Variants in WDR44 observed in about 807,000 individuals in gnomAD.
WDR44 encodes WD repeat domain 44, also known as WD repeat-containing protein 44.
A neutral mutation model predicts 65.7 loss-of-function variants in WDR44; 9 were observed. The observed-to-expected ratio is 0.14, with a 90% CI of 0.08 to 0.24. WDR44 has a LOEUF of 0.24. WDR44 is among the 10% of genes least tolerant of loss of function. The pLI is 1.00. For synonymous variants in WDR44, 220 were observed against 235.2 expected (o/e 0.94, Z 0.59); for missense variants, 425 against 670.9 (o/e 0.63, Z 4.05).
Position 118,391,032 on chromosome X carries a change from AAATGAGAATGTGTATACTAGGTCT to A in WDR44, c.187-1596_187-1573del, listed in dbSNP as rs776774383. 2.0e-3 allele frequency among the ~76,000 whole-genome samples: 223 copies of A among 112,235 alleles called. 1 individual carries two copies. Among genetic ancestry groups the A allele is most frequent in the African/African-American group, 6.9e-3 (213 of 30,959 alleles). ...TAACCCAAAGGCCTGTATGACAATT[AAATGAGAATGTGTATACTAGGTCT>A]AATACACAGTAGGCCTTCTTTCCTT... On this transcript the variant is annotated intron_variant, in intron 3 of 19. Transcript: ENST00000254029.
intron 13 of WDR44, 54 bp from the exon 14 acceptor site, chrX:118,436,648 A>G: frequency 8.6e-7 from 1 of 1,159,005 alleles, no homozygotes; most frequent in South Asian, 2.0e-5. Context: ...TTATTGTATA[A>G]ATAGGGTTCT....
chrX:118,402,458 A>AAAAAAG (rs547508565), intron 8 of WDR44, among the ~76,000 whole-genome samples: 3 of 85,369 alleles, frequency 3.5e-5, no homozygotes, highest in African/African-American at 1.1e-4. Flanking sequence ...AAAAAAAAAA[A>AAAAAAG]ACATTCAGGA....
At chrX:118,409,701 TC>T (rs1420715285) in intron 11 of WDR44, 74 bp downstream of exon 11, 48 of 1,017,015 alleles carry the variant, frequency 4.7e-5, no homozygotes, top group Non-Finnish European at 6.3e-5. Flanking sequence ...GCCCTACTTT[TC>T]TGGCAGTCAT....
At chrX:118,369,623 C>T (rs1202260426) in intron 1 of WDR44, among the ~76,000 whole-genome samples, 5 of 106,917 alleles carry the variant, frequency 4.7e-5, no homozygotes, top group Non-Finnish European at 9.6e-5. Context: ...CGCCCACCAC[C>T]ACGCCTGACT....
intron 1 of WDR44, among the ~76,000 whole-genome samples, chrX:118,355,357 A>G (rs2056450043): frequency 8.9e-6 from 1 of 111,928 alleles, no homozygotes; most frequent in Non-Finnish European, 1.9e-5. Flanking sequence ...AGTAAGGGAA[A>G]AATTGGTTGC....
chrX:118,383,125 C>G (rs894355970), intron 2 of WDR44, among the ~76,000 whole-genome samples: 3 of 111,764 alleles, frequency 2.7e-5, no homozygotes, highest in African/African-American at 9.7e-5. Flanking sequence ...CTGGTAGGTG[C>G]CATATCACTC....
Position 118,391,311 on chromosome X carries a change from C to G in WDR44, c.187-1321C>G, listed in dbSNP as rs774637342. On this transcript the variant is annotated intron_variant, in intron 3 of 19. Coordinates refer to ENST00000254029, the MANE Select transcript of WDR44 (RefSeq NM_019045.5). ...ATTGAGGTTCTCAGTGCTCAGTAAC[C>G]ACCTAATTGACAAATTGGTTGGACT... Among the ~76,000 whole-genome samples, 501 of 111,909 alleles carry G rather than the reference C, an allele frequency of 4.5e-3. 1 individual carries two copies. The highest frequency in any genetic ancestry group is 0.015 in the African/African-American group (473 of 30,898).
At position 118,377,349 on chromosome X, in the gene WDR44, C is replaced by G. The variant is rs1042388017; in HGVS notation, c.78-1070C>G. Among the ~76,000 whole-genome samples, 16 of 109,946 alleles carry G rather than the reference C, an allele frequency of 1.5e-4. No homozygotes were observed. In the Admixed American group the frequency reaches 1.5e-3, roughly 11 times the overall value. ...CACTCCAGCCTGGGCAACAGCAAGA[C>G]TCTGTCTTTAAAAAAAAAAGAAAAA... On this transcript the variant is annotated intron_variant, in intron 1 of 19. Coordinates refer to ENST00000254029, the MANE Select transcript of WDR44 (RefSeq NM_019045.5).
intron 2 of WDR44, among the ~76,000 whole-genome samples, chrX:118,383,181 A>G (rs1213862950): frequency 8.9e-6 from 1 of 112,354 alleles, no homozygotes; most frequent in Admixed American, 9.5e-5. Context: ...AGGAGTTACT[A>G]TCTTTTAAAA....
chrX:118,432,006 T>C (rs1454529562), intron 12 of WDR44, among the ~76,000 whole-genome samples: 3 of 112,019 alleles, frequency 2.7e-5, no homozygotes, highest in Non-Finnish European at 5.6e-5. Context: ...CGAAAGCACG[T>C]TGTAACTAGA....
At chrX:118,399,185 C>T (rs2056891533) in intron 8 of WDR44, among the ~76,000 whole-genome samples, 3 of 112,087 alleles carry the variant, frequency 2.7e-5, no homozygotes, top group Admixed American at 9.5e-5. Context: ...CTATAACTTA[C>T]TTTTTCCCTT....
intron 1 of WDR44, among the ~76,000 whole-genome samples, chrX:118,352,624 T>G (rs188070715): frequency 1.1e-4 from 12 of 109,523 alleles, no homozygotes; most frequent in African/African-American, 4.0e-4. Context: ...TACCCAACAC[T>G]CCATGTGTTT....
chrX:118,382,414 G>A (rs1055696772), intron 2 of WDR44, among the ~76,000 whole-genome samples: 10 of 111,912 alleles, frequency 8.9e-5, no homozygotes, highest in African/African-American at 3.2e-4. Context: ...GGATATGACA[G>A]CGATTTAAGA....
chrX:118,443,425 C>A, intron 17 of WDR44, 135 bp from the exon 18 acceptor site: 1 of 729,353 alleles, frequency 1.4e-6, no homozygotes, highest in Non-Finnish European at 2.0e-6. Flanking sequence ...AGAGTGAGAC[C>A]ATGGGTCTAC....
intron 3 of WDR44, among the ~76,000 whole-genome samples, 154 bp from the exon 4 acceptor site, chrX:118,392,475 TAGG>T (rs1001722153): frequency 4.5e-4 from 50 of 112,192 alleles, no homozygotes; most frequent in African/African-American, 1.5e-3. Flanking sequence ...ATGGTGACAG[TAGG>T]AGTAGAATCT....
chrX:118,412,353 G>A (rs1163508560), intron 12 of WDR44, among the ~76,000 whole-genome samples: 1 of 111,413 alleles, frequency 9.0e-6, no homozygotes, highest in Admixed American at 9.6e-5. Context: ...GAGCAGGGTG[G>A]GGCTTTGAAG....
At chrX:118,404,294 C>A in intron 8 of WDR44, 44 bp from the exon 9 acceptor site, 1 of 993,125 alleles carries the variant, frequency 1.0e-6, no homozygotes, top group Non-Finnish European at 1.4e-6. Flanking sequence ...AATTATTGGA[C>A]TTTTACAGTT....
chrX:118,368,462 T>TAC (rs2056573932), intron 1 of WDR44, among the ~76,000 whole-genome samples: 1 of 91,322 alleles, frequency 1.1e-5, no homozygotes, highest in East Asian at 3.7e-4. Context: ...ATAGTGACTA[T>TAC]ATATATATAT....
intron 2 of WDR44, 67 bp from the exon 3 acceptor site, chrX:118,387,273 C>T: frequency 1.3e-6 from 1 of 797,177 alleles, no homozygotes; most frequent in Non-Finnish European, 1.8e-6. Context: ...ATTTGTACCC[C>T]TTTAAAGCAT....
Sources: allele counts gnomAD v4.1 joint callset (sites outside exome capture counted in the v4.1 genomes callset), GRCh38; gene constraint gnomAD v4.1.1; transcripts MANE v1.5; gene names NCBI Gene and HGNC (gene_info 2026-07-23, HGNC 2026-07-21).